LAMA2: variants seen among roughly 807,000 people sequenced by gnomAD.
LAMA2 encodes laminin subunit alpha 2, also known as laminin subunit alpha-2.
Under a neutral mutation model 364.8 loss-of-function variants are expected in LAMA2, and 269 were observed. The ratio of observed to expected loss-of-function variants is 0.74; its 90% CI spans 0.67 to 0.82. The LOEUF (loss-of-function observed/expected upper bound fraction) is 0.82. LAMA2 is among the 40% of genes least tolerant of loss of function. LAMA2 has a pLI of 0.00. For synonymous variants in LAMA2, 1,379 were observed against 1,370.6 expected, an observed-to-expected ratio of 1.01 and a Z score of -0.14; for missense variants, 3,807 against 3,873.2, an observed-to-expected ratio of 0.98 and a Z score of 0.45.
chr6:129,302,545 AAGAC>A (rs1275777332), intron 22 of LAMA2, among the ~76,000 whole-genome samples: 4 of 152,230 alleles, frequency 2.6e-5, no homozygotes, highest in African/African-American at 9.6e-5. Context: ...CTACCCAAGA[AAGAC>A]AAGGTCCAAA....
chr6:129,505,236 T>C lies in LAMA2; in HGVS notation c.8584T>C (p.Tyr2862His). The change falls in exon 61 of 65, where the codon TAT becomes CAT. Residue 2862 changes from tyrosine (Y) to histidine (H), a missense_variant. This residue lies in a region of LAMA2 where 3,333 missense variants were observed against 3,345.7 expected (regional missense o/e 1.00). Transcript: ENST00000421865. Reference protein sequence around the residue: ...IMRSKQEGILYVDGASNRTIS... With the variant: ...IMRSKQEGILHVDGASNRTIS... Reference sequence around the variant, plus strand: ...GAGAAGTAAGCAAGAAGGAATTCTTTATGTAGATGGGGCTTCCAACAGAAC... The same window carrying C: ...GAGAAGTAAGCAAGAAGGAATTCTTCATGTAGATGGGGCTTCCAACAGAAC... The C allele has an allele frequency of 1.9e-6, 3 of 1,613,962 alleles. No homozygotes were observed. The highest frequency in any genetic ancestry group is 2.5e-6 in the Non-Finnish European group (3 of 1,179,852).
chr6:129,155,685 A>G (rs941885856), intron 8 of LAMA2, among the ~76,000 whole-genome samples: 1 of 152,118 alleles, frequency 6.6e-6, no homozygotes, highest in African/African-American at 2.4e-5. Flanking sequence ...ATCATATTAC[A>G]TGGATCAATT....
intron 56 of LAMA2, 69 bp from the exon 57 acceptor site, chr6:129,491,832 A>G: frequency 1.5e-6 from 2 of 1,298,024 alleles, no homozygotes; most frequent in Non-Finnish European, 2.2e-6. Context: ...GGTGGCAGGA[A>G]AGAATTTGAT....
intron 51 of LAMA2, among the ~76,000 whole-genome samples, chr6:129,471,663 A>T (rs1033813700): frequency 6.6e-6 from 1 of 151,982 alleles, no homozygotes; most frequent in Non-Finnish European, 1.5e-5. Context: ...ATTTTCTTTT[A>T]GCCCCCAGTC....
chr6:128,907,984 C>G (rs1301113266), intron 1 of LAMA2, among the ~76,000 whole-genome samples: 1 of 151,944 alleles, frequency 6.6e-6, no homozygotes, highest in African/African-American at 2.4e-5. Context: ...AGGGATGAAG[C>G]CCACTTGATC....
chr6:129,494,150 T>C (rs879629250), intron 58 of LAMA2, among the ~76,000 whole-genome samples: 1 of 152,236 alleles, frequency 6.6e-6, no homozygotes, highest in African/African-American at 2.4e-5. Flanking sequence ...CTACACTCTT[T>C]ACAGCTCATG....
In LAMA2 at chr6:129,071,399, T is replaced by C. The variant is rs76885909; in HGVS notation, c.396+11503T>C. Among the ~76,000 whole-genome samples the C allele has an allele frequency of 8.8e-3, 1,347 of 152,240 alleles. 22 individuals are homozygous for C. The highest frequency in any genetic ancestry group is 0.031 in the African/African-American group (1,286 of 41,560). On this transcript the variant is annotated intron_variant, in intron 3 of 64. Transcript: ENST00000421865. ...TTTCTCTATCGTGAAATTGTTATAT[T>C]GTATTGAATCCTGCTCTTATATGTC...
At chr6:128,929,155 T>G in intron 1 of LAMA2, 1 of 1,436,844 alleles carries the variant, frequency 7.0e-7, no homozygotes, top group Non-Finnish European at 9.8e-7. Flanking sequence ...CAGGATCCAA[T>G]GGCCGGTAGA....
chr6:129,050,521 A>G (rs1163828123), intron 2 of LAMA2, among the ~76,000 whole-genome samples: 1 of 152,186 alleles, frequency 6.6e-6, no homozygotes, highest in Non-Finnish European at 1.5e-5. Flanking sequence ...AGCGTTCTGC[A>G]GAAGAGAGAG....
intron 15 of LAMA2, 152 bp downstream of exon 15, chr6:129,260,974 C>T (rs1266890260): frequency 1.6e-6 from 1 of 644,806 alleles, no homozygotes; most frequent in Non-Finnish European, 2.8e-6. Context: ...CTACCAAAAG[C>T]TGTGGCTTTC....
intron 12 of LAMA2, 138 bp downstream of exon 12, chr6:129,192,991 G>A (rs1312992373): frequency 1.9e-5 from 18 of 931,580 alleles, no homozygotes; most frequent in Non-Finnish European, 2.8e-5. Context: ...AAATCACATT[G>A]AGTTGGGCGT....
chr6:128,908,222 C>G (rs1171334128), intron 1 of LAMA2, among the ~76,000 whole-genome samples: 1 of 149,616 alleles, frequency 6.7e-6, no homozygotes, highest in Non-Finnish European at 1.5e-5. Context: ...ACCAGTTCCT[C>G]CTTGTACCTC....
chr6:128,935,431 A>G (rs551707333), intron 1 of LAMA2, among the ~76,000 whole-genome samples: 1 of 152,262 alleles, frequency 6.6e-6, no homozygotes, highest in East Asian at 1.9e-4. Context: ...TCCATGGTGT[A>G]TATGTGCCAC....
chr6:129,307,388 T>A (rs966384736), intron 22 of LAMA2, among the ~76,000 whole-genome samples: 1 of 152,242 alleles, frequency 6.6e-6, no homozygotes, highest in African/African-American at 2.4e-5. Context: ...AGAACGCTTC[T>A]GCACATCTCT....
rs1232386538 is a variant in LAMA2 at position 129,172,029 on chromosome 6, C to G, written c.1307-5677C>G. 3.7e-4 allele frequency among the ~76,000 whole-genome samples: 50 copies of G among 136,660 alleles called. No homozygotes were observed. The East Asian group carries it at 0.01, about 28-fold the overall frequency. The allele number at this position is 136,660 out of a possible 152,430, so 89.7% of individuals were successfully genotyped here. On this transcript the variant is annotated intron_variant, in intron 9 of 64. Transcript: ENST00000421865. ...GAGCCTTGGTTTTCAGCTCCATCAG[C>G]TCCTTTAAGCACTTCTCTGTATTGG...
intron 1 of LAMA2, among the ~76,000 whole-genome samples, chr6:128,910,276 A>G (rs1214021733): frequency 6.6e-6 from 1 of 152,208 alleles, no homozygotes; most frequent in African/African-American, 2.4e-5. Context: ...AGGTACACCA[A>G]TCAGACGTGG....
chr6:129,396,787 G>A (rs1187779428), intron 37 of LAMA2, among the ~76,000 whole-genome samples: 1 of 152,032 alleles, frequency 6.6e-6, no homozygotes, highest in Non-Finnish European at 1.5e-5. Flanking sequence ...GCCAGCCTGA[G>A]CAACATGGTG....
At position 129,335,544 on chromosome 6, in the gene LAMA2, C is replaced by T. The variant is rs1332803920; in HGVS notation, c.4312-6799C>T. ...AAATAATTTGTGGAAATATTATTTTCACTCTATCATAATTCTTATTTTAAA... is the reference window on the plus strand; with the variant it reads ...AAATAATTTGTGGAAATATTATTTTTACTCTATCATAATTCTTATTTTAAA... On this transcript the variant is annotated intron_variant, in intron 29 of 64. Transcript: ENST00000421865. Among the ~76,000 whole-genome samples, 3 of 151,734 alleles carry T rather than the reference C, an allele frequency of 2.0e-5. No homozygotes were observed. The East Asian group carries it at 5.8e-4, about 29-fold the overall frequency.
intron 20 of LAMA2, chr6:129,292,972 C>T (rs897774722): frequency 6.1e-6 from 6 of 985,772 alleles, no homozygotes; most frequent in African/African-American, 1.7e-5. Flanking sequence ...GAGGAGCAGC[C>T]GCGGAGAGCG....
Sources: gnomAD v4.1 joint callset for allele counts (sites outside exome capture counted in the v4.1 genomes callset) on GRCh38, gnomAD v4.1.1 for gene constraint, gnomAD v4.1.1 regional missense constraint, MANE v1.5 for transcripts, NCBI Gene and HGNC (gene_info 2026-07-23, HGNC 2026-07-21) for gene names.